The following FAT3 variants were observed in gnomAD, a reference collection of about 807,000 sequenced individuals.
FAT3 encodes the protein protocadherin Fat 3.
A neutral mutation model predicts 310.2 loss-of-function variants in FAT3; 95 were observed. The ratio of observed to expected loss-of-function variants is 0.31; its 90% CI spans 0.26 to 0.36. FAT3 has a LOEUF of 0.36. Among genes scored for constraint, FAT3 ranks in the 10% least tolerant of loss-of-function variants. The pLI is 1.00. For missense variants in FAT3, 5,408 were observed against 5,715.6 expected (o/e 0.95, Z 1.74); for synonymous variants, 2,314 against 2,192.9 (o/e 1.06, Z -1.54).
chr11:92,743,630 C>T (rs139726055), intron 4 of FAT3, among the ~76,000 whole-genome samples: 151 of 152,268 alleles, frequency 9.9e-4, no homozygotes, highest in South Asian at 4.8e-3. Context: ...GGCAGAGGGC[C>T]GCATGTGTCC....
intron 3 of FAT3, among the ~76,000 whole-genome samples, chr11:92,661,547 T>C (rs562421077): frequency 6.6e-6 from 1 of 152,116 alleles, no homozygotes; most frequent in African/African-American, 2.4e-5. Flanking sequence ...CATTAATGTG[T>C]GTGGTGTGGA....
intron 4 of FAT3, among the ~76,000 whole-genome samples, chr11:92,742,289 A>C (rs1310348335): frequency 6.6e-6 from 1 of 152,256 alleles, no homozygotes; most frequent in African/African-American, 2.4e-5. Context: ...CAAACAGTAC[A>C]GCAGGCCTTA....
At chr11:92,415,916 C>T (rs1950399855) in intron 2 of FAT3, among the ~76,000 whole-genome samples, 1 of 121,324 alleles carries the variant, frequency 8.2e-6, no homozygotes, top group South Asian at 2.9e-4. Flanking sequence ...CCTCAAACTT[C>T]TGGACTTAAT....
chr11:92,676,435 TG>T (rs1048026032), intron 3 of FAT3, among the ~76,000 whole-genome samples: 87 of 152,344 alleles, frequency 5.7e-4, no homozygotes, highest in African/African-American at 2.0e-3. Context: ...CCAGTCTGCC[TG>T]GTTCTGGTTA....
At chr11:92,565,983 G>A (rs971823451) in intron 3 of FAT3, among the ~76,000 whole-genome samples, 3 of 152,168 alleles carry the variant, frequency 2.0e-5, no homozygotes, top group African/African-American at 4.8e-5. Flanking sequence ...GCACAAGACA[G>A]GGATGCCCTC....
intron 6 of FAT3, among the ~76,000 whole-genome samples, chr11:92,768,652 T>G (rs1946382891): frequency 6.6e-6 from 1 of 152,210 alleles, no homozygotes. Flanking sequence ...GTAAGCATCT[T>G]TTTTGGCCAA....
chr11:92,357,464 G>T (rs771285355), intron 2 of FAT3, among the ~76,000 whole-genome samples: 18 of 152,288 alleles, frequency 1.2e-4, no homozygotes, highest in Non-Finnish European at 2.4e-4. Flanking sequence ...TATTAAACAG[G>T]TTTCAAAATC....
chr11:92,883,234 C>A lies in FAT3; in HGVS notation c.12778C>A (p.His4260Asn), dbSNP rs555712240. The part of the protein sequence containing the change: ...DKIVDGLGGE[H>N]QEMTTFHPES... ...GATCGTGGACGGGCTGGGAGGCGAG[C>A]ACCAGGAAATGACCACGTTTCACCC... Residue 4260 changes from histidine (H) to asparagine (N), a missense_variant, in exon 24 of 28, where the codon CAC (histidine) becomes AAC (asparagine). Around this residue, in one of 5 missense-constraint regions of FAT3, gnomAD observed 649 missense variants for 666.2 expected, o/e 0.97. Coordinates refer to ENST00000525166, the MANE Select transcript of FAT3 (RefSeq NM_001367949.2). The surrounding 1 kb of genome is among the most constrained non-coding windows in gnomAD (Gnocchi z 4.2). The A allele has an allele frequency of 1.9e-6, 3 of 1,613,020 alleles. No homozygotes were observed. The African/African-American group carries it at 4.0e-5, about 21-fold the overall frequency.
chr11:92,564,227 G>A (rs11020000), intron 3 of FAT3, among the ~76,000 whole-genome samples: 2,250 of 151,784 alleles, frequency 0.015, 36 homozygotes, highest in East Asian at 0.094. Context: ...AAAAGGCAGG[G>A]GTTGCAATCC....
At chr11:92,311,459 G>A (rs1009694315) in intron 1 of FAT3, among the ~76,000 whole-genome samples, 12 of 152,152 alleles carry the variant, frequency 7.9e-5, no homozygotes, top group Middle Eastern at 3.4e-3. Context: ...ATGAAGGAAA[G>A]GTATATGTTG....
At chr11:92,586,254 A>G (rs908782587) in intron 3 of FAT3, among the ~76,000 whole-genome samples, 16 of 152,000 alleles carry the variant, frequency 1.1e-4, no homozygotes, top group African/African-American at 3.6e-4. Context: ...TATAAAAGAC[A>G]TTTTATAGCT....
At chr11:92,716,220 G>C (rs1222485482) in intron 4 of FAT3, among the ~76,000 whole-genome samples, 3 of 152,134 alleles carry the variant, frequency 2.0e-5, no homozygotes, top group Admixed American at 2.0e-4. Flanking sequence ...ATAGGAAGGA[G>C]TGAAGGAAGG....
Position 92,844,714 on chromosome 11 carries a change from G to T in FAT3, c.11347G>T (p.Val3783Leu). ...SFVCPRFYRN[V>L]RCTCNGGLCP... is the part of the protein sequence containing the mutation. ...TGTGTGTCCGCGTTTCTACAGGAAC[G>T]TGCGTTGCACCTGCAATGGTGAGTG... The change falls in exon 19 of 28, where the codon GTG becomes TTG. Residue 3783 changes from valine to leucine, a missense_variant. Around this residue, in one of 5 missense-constraint regions of FAT3, gnomAD observed 4,588 missense variants for 4,809.8 expected, o/e 0.95. Transcript: ENST00000525166. 6.5e-7 allele frequency: 1 copy of T among 1,547,432 alleles called. No homozygotes were observed. The highest frequency in any genetic ancestry group is 8.8e-7 in the Non-Finnish European group (1 of 1,140,204).
At chr11:92,835,127 A>C (rs1454221203) in intron 15 of FAT3, 43 bp downstream of exon 15, 1 of 1,520,786 alleles carries the variant, frequency 6.6e-7, no homozygotes, top group Non-Finnish European at 9.0e-7. Context: ...GTTTGGGACT[A>C]GTCATCCACA....
Position 92,800,284 on chromosome 11 carries a change from C to T in FAT3, c.7271C>T (p.Ser2424Phe). 6.2e-7 allele frequency: 1 copy of T among 1,613,850 alleles called. No homozygotes were observed. The highest frequency in any genetic ancestry group is 8.5e-7 in the Non-Finnish European group (1 of 1,179,768). Reference protein sequence around the residue: ...TCVQASDADSSDFDRLEYSIL... With the variant: ...TCVQASDADSFDFDRLEYSIL... ...GTACAAGCCTCTGATGCAGACAGCTCTGATTTTGACCGGTTGGAATATAGC... is the reference window on the plus strand; with the variant it reads ...GTACAAGCCTCTGATGCAGACAGCTTTGATTTTGACCGGTTGGAATATAGC... The change falls in exon 10 of 28, where the codon TCT (serine) becomes TTT (phenylalanine). Residue 2424 changes from serine to phenylalanine, a missense_variant. Ser to Phe is a radical substitution (Grantham distance 155, BLOSUM62 -2). Coordinates refer to ENST00000525166, the MANE Select transcript of FAT3 (RefSeq NM_001367949.2).
rs1160934412 is a variant in FAT3 at position 92,798,497 on chromosome 11, C to A, written c.5484C>A (p.Ser1828=). The change falls in exon 10 of 28, where the codon TCC becomes TCA. Residue 1828 remains serine, a synonymous_variant. Coordinates refer to ENST00000525166, the MANE Select transcript of FAT3 (RefSeq NM_001367949.2). ...CAAAAAAGTTTTTCACGGTGGACTC[C>A]AGTACAGGTGCAATCAGAACAATTG... ...STAKKFFTVD[S]STGAIRTIAN... is the part of the protein sequence containing the mutation. The A allele has an allele frequency of 1.9e-6, 3 of 1,613,732 alleles. No individual in the cohort carries two copies. In the African/African-American group the frequency reaches 4.0e-5, roughly 22 times the overall value.
At chr11:92,249,907 A>T (rs1865069883) in intron 1 of FAT3, among the ~76,000 whole-genome samples, 1 of 152,090 alleles carries the variant, frequency 6.6e-6, no homozygotes, top group Non-Finnish European at 1.5e-5. Flanking sequence ...TGCAGATATT[A>T]TTACCTGATT....
intron 3 of FAT3, among the ~76,000 whole-genome samples, chr11:92,653,899 A>G (rs1323274258): frequency 1.3e-5 from 2 of 152,212 alleles, no homozygotes; most frequent in Non-Finnish European, 2.9e-5. Flanking sequence ...TTCTACACAC[A>G]TTACCTGCCA....
chr11:92,422,122 C>G (rs1378949800), intron 2 of FAT3, among the ~76,000 whole-genome samples: 3 of 152,156 alleles, frequency 2.0e-5, no homozygotes, highest in African/African-American at 7.2e-5. Flanking sequence ...ACGCACATGT[C>G]TCAGGGAGTT....
Sources: allele counts gnomAD v4.1 joint callset (sites outside exome capture counted in the v4.1 genomes callset), GRCh38; gene constraint gnomAD v4.1.1; regional missense constraint gnomAD v4.1.1; non-coding constraint Gnocchi (gnomAD v3.1); transcripts MANE v1.5; gene names NCBI Gene and HGNC (gene_info 2026-07-23, HGNC 2026-07-21).